TEX36: variants seen among roughly 807,000 people sequenced by gnomAD.
TEX36 encodes testis expressed 36.
Under a neutral mutation model 13.6 loss-of-function variants are expected in TEX36, and 12 were observed. The observed-to-expected ratio is 0.88, with a 90% CI of 0.56 to 1.43. The LOEUF is 1.43. Among genes scored for constraint, TEX36 ranks in the 40% most tolerant of loss-of-function variants. The pLI is 0.00. For synonymous variants in TEX36, 93 were observed against 83.0 expected, an observed-to-expected ratio of 1.12 and a Z score of -0.65; for missense variants, 224 against 228.3, an observed-to-expected ratio of 0.98 and a Z score of 0.12.
At chr10:125,614,354 C>G (rs1046861037) in intron 3 of TEX36, among the ~76,000 whole-genome samples, 18 of 152,114 alleles carry the variant, frequency 1.2e-4, no homozygotes, top group African/African-American at 4.1e-4. Context: ...GAAGTCCTTG[C>G]CCATGCCTAT....
rs139308984 is a variant in TEX36 at position 125,671,582 on chromosome 10, TTTAAG to T, written c.52-9610_52-9606del. ...ATCAATGTTCATCATGGATATTGGC[TTTAAG>T]TTTTCTTTTTTTATTGTGTCTCTGC... On this transcript the variant is annotated intron_variant, in intron 1 of 3. Coordinates refer to ENST00000368821, the MANE Select transcript of TEX36 (RefSeq NM_001128202.3). Among the ~76,000 whole-genome samples the T allele has an allele frequency of 5.9e-3, 896 of 152,188 alleles. 12 individuals are homozygous for T. Among genetic ancestry groups the T allele is most frequent in the African/African-American group, 0.021 (852 of 41,552 alleles).
At chr10:125,658,518 C>A (rs928638312) in intron 3 of TEX36, among the ~76,000 whole-genome samples, 24 of 152,052 alleles carry the variant, frequency 1.6e-4, no homozygotes, top group African/African-American at 5.6e-4. Flanking sequence ...AAATAATTCA[C>A]AGTCCTAAAT....
intron 3 of TEX36, among the ~76,000 whole-genome samples, chr10:125,639,583 C>T (rs1322387920): frequency 1.0e-5 from 1 of 95,312 alleles, no homozygotes; most frequent in Non-Finnish European, 1.9e-5. Context: ...TCACCTGTCC[C>T]AAAGGGAATG....
At chr10:125,619,228 C>T (rs1165461598), downstream of TEX36, among the ~76,000 whole-genome samples, 1 of 151,836 alleles carries the variant, frequency 6.6e-6, no homozygotes, top group Non-Finnish European at 1.5e-5. Context: ...GAAAATAAAC[C>T]CTAAAGCACT....
intron 3 of TEX36, among the ~76,000 whole-genome samples, chr10:125,646,586 T>A (rs1846772094): frequency 6.6e-6 from 1 of 151,714 alleles, no homozygotes; most frequent in East Asian, 1.9e-4. Context: ...ATTAACGAGA[T>A]CAAAAGCAAA....
intron 3 of TEX36, among the ~76,000 whole-genome samples, chr10:125,629,832 A>G (rs967456280): frequency 1.2e-4 from 18 of 152,218 alleles, no homozygotes; most frequent in African/African-American, 4.3e-4. Context: ...GTGAGAGACT[A>G]GGGTTAGGTC....
At chr10:125,632,684 C>T (rs976281597) in intron 3 of TEX36, among the ~76,000 whole-genome samples, 9 of 152,196 alleles carry the variant, frequency 5.9e-5, no homozygotes, top group Admixed American at 1.3e-4. Flanking sequence ...ACGAGCTGCT[C>T]AGCTACAGTC....
chr10:125,661,399 A>C (rs890204829), intron 2 of TEX36, among the ~76,000 whole-genome samples: 1 of 152,164 alleles, frequency 6.6e-6, no homozygotes, highest in Admixed American at 6.5e-5. Context: ...GGAGCCAAAA[A>C]CTGGGAAGGA....
chr10:125,618,083 T>C (rs1432715628), downstream of TEX36, among the ~76,000 whole-genome samples: 2 of 152,324 alleles, frequency 1.3e-5, no homozygotes, highest in Non-Finnish European at 1.5e-5. Flanking sequence ...TCGCATCGGC[T>C]CCTGAGGCTT....
At chr10:125,651,724 A>G (rs1477876399), downstream of TEX36, among the ~76,000 whole-genome samples, 1 of 152,198 alleles carries the variant, frequency 6.6e-6, no homozygotes, top group Non-Finnish European at 1.5e-5. Flanking sequence ...TTTGCAGATG[A>G]CATGATTTTA....
chr10:125,674,420 G>A (rs7077188), intron 1 of TEX36, among the ~76,000 whole-genome samples: 45,064 of 152,090 alleles, frequency 0.3, 10,060 homozygotes, highest in African/African-American at 0.6. Context: ...GCCTACCTCT[G>A]TGAATTCATC....
At chr10:125,576,773 A>C (rs1845829021) in exon 4 of TEX36, 1 of 1,535,414 alleles carries the variant, frequency 6.5e-7, no homozygotes. Flanking sequence ...GGGGTGCATT[A>C]GTTCTCAGGC....
At chr10:125,636,807 T>C in intron 3 of TEX36, among the ~76,000 whole-genome samples, 1 of 152,136 alleles carries the variant, frequency 6.6e-6, no homozygotes, top group Non-Finnish European at 1.5e-5. Flanking sequence ...TGCGTCCTTT[T>C]CGATGTTAAG....
intron 3 of TEX36, among the ~76,000 whole-genome samples, chr10:125,599,121 C>G (rs987093616): frequency 6.6e-6 from 1 of 152,066 alleles, no homozygotes; most frequent in African/African-American, 2.4e-5. Context: ...TCGGAAAAAA[C>G]TTTTTTTATT....
chr10:125,660,050 T>G (rs971259635), intron 3 of TEX36, among the ~76,000 whole-genome samples: 2 of 152,188 alleles, frequency 1.3e-5, no homozygotes, highest in African/African-American at 2.4e-5. Context: ...GAAGGAAGAA[T>G]GTAAAATATC....
At chr10:125,669,761 G>A (rs1049582633) in intron 1 of TEX36, among the ~76,000 whole-genome samples, 8 of 151,998 alleles carry the variant, frequency 5.3e-5, no homozygotes, top group African/African-American at 7.3e-5. Context: ...CACACCCCCC[G>A]TAACAGGCCC....
chr10:125,643,291 G>A (rs913773750), intron 3 of TEX36, among the ~76,000 whole-genome samples: 2 of 152,176 alleles, frequency 1.3e-5, no homozygotes, highest in Admixed American at 6.5e-5. Context: ...TGCAGACAGC[G>A]TGAGAAGAAC....
chr10:125,585,275 T>C (rs746060259), intron 3 of TEX36, among the ~76,000 whole-genome samples: 6 of 152,088 alleles, frequency 3.9e-5, no homozygotes, highest in Non-Finnish European at 8.8e-5. Context: ...GTGGAGAGGA[T>C]GTACCTGCCC....
intron 3 of TEX36, among the ~76,000 whole-genome samples, chr10:125,599,961 C>T (rs1304011298): frequency 6.6e-6 from 1 of 152,178 alleles, no homozygotes; most frequent in Admixed American, 6.5e-5. Flanking sequence ...GGGATCCATG[C>T]TGTCCTGAGA....
Sources: allele counts gnomAD v4.1 joint callset (sites outside exome capture counted in the v4.1 genomes callset), GRCh38; gene constraint gnomAD v4.1.1; transcripts MANE v1.5; gene names NCBI Gene and HGNC (gene_info 2026-07-23, HGNC 2026-07-21).